The following ADAM33 variants were observed in gnomAD, a reference collection of about 807,000 sequenced individuals.
The protein encoded by ADAM33 is ADAM metallopeptidase domain 33, also known as disintegrin and metalloproteinase domain-containing protein 33.
A neutral mutation model predicts 106.2 loss-of-function variants in ADAM33; 103 were observed. That is an observed-to-expected ratio of 0.97 (90% CI 0.83 to 1.14). The LOEUF (loss-of-function observed/expected upper bound fraction) is 1.14. ADAM33 is among the 50% of genes most tolerant of loss of function. The pLI is 0.00. For synonymous variants in ADAM33, 483 were observed against 453.0 expected (o/e 1.07, Z -0.84); for missense variants, 1,120 against 1,096.6 (o/e 1.02, Z -0.30).
chr20:3,674,675 G>A lies in ADAM33; in HGVS notation c.429C>T (p.Ser143=). ...GACGCAGATAATAGCTGGCATTCCT[G>A]CTGAGGGTGATCAGGCCACTAGGGT... ...CSGMSGLITL[S]RNASYYLRPW... is the part of the protein sequence containing the mutation. Residue 143 remains serine, a synonymous_variant, in exon 6 of 22, where the codon AGC becomes AGT. Transcript: ENST00000356518. 1.9e-6 allele frequency: 3 copies of A among 1,610,210 alleles called. No homozygotes were observed. Among genetic ancestry groups the A allele is most frequent in the East Asian group, 2.2e-5 (1 of 44,852 alleles).
At position 3,670,248 on chromosome 20, in the gene ADAM33, G is replaced by A. The variant is rs553707756; in HGVS notation, c.2241-611C>T. 243 of 165,898 alleles carry A rather than the reference G, an allele frequency of 1.5e-3. 1 individual carries two copies. Among genetic ancestry groups the A allele is most frequent in the Non-Finnish European group, 2.2e-3 (168 of 76,584 alleles). The allele number at this position is 165,898 out of a possible 1,614,324, so 10.3% of individuals were successfully genotyped here. ...GTCAGGGTCCTCTTAGCTGCCACCC[G>A]GGGCCCAGGTGGTGCCCTGCCCCTG... On this transcript the variant is annotated intron_variant, in intron 19 of 21. Coordinates refer to ENST00000356518, the MANE Select transcript of ADAM33 (RefSeq NM_025220.5).
At chr20:3,671,542 A>C in intron 16 of ADAM33, 39 bp downstream of exon 16, 1 of 1,610,726 alleles carries the variant, frequency 6.2e-7, no homozygotes, top group Non-Finnish European at 8.5e-7. Flanking sequence ...GGCCTGCGGG[A>C]TTCAAACGGC....
At position 3,671,788 on chromosome 20, in the gene ADAM33, G is replaced by A. The variant is rs758360371; in HGVS notation, c.1707-9C>T. 6.4e-7 allele frequency: 1 copy of A among 1,556,908 alleles called. No individual in the cohort carries two copies. Among genetic ancestry groups the A allele is most frequent in the East Asian group, 2.4e-5 (1 of 41,300 alleles). The stretch of plus-strand genomic sequence containing the variant: ...TCCCACACAGGGCATCCCTGGGGAG[G>A]AAGTAGAGGGGGGTCAACAGCTGCA... On this transcript the variant is annotated splice_polypyrimidine_tract_variant and intron_variant, in intron 15 of 21. Coordinates refer to ENST00000356518, the MANE Select transcript of ADAM33 (RefSeq NM_025220.5).
At chr20:3,674,179 C>T in intron 7 of ADAM33, 40 bp downstream of exon 7, 1 of 1,614,136 alleles carries the variant, frequency 6.2e-7, no homozygotes, top group Non-Finnish European at 8.5e-7. Context: ...CTGAGCTGGC[C>T]CCATCCCTGA....
chr20:3,679,778 G>C (rs943942589), intron 1 of ADAM33, among the ~76,000 whole-genome samples: 2 of 150,304 alleles, frequency 1.3e-5, no homozygotes, highest in African/African-American at 2.4e-5. Context: ...CAAGGAGGAG[G>C]AAAAGAGAAG....
In ADAM33 at chr20:3,672,139, C is replaced by T. The variant is rs1244820596; in HGVS notation, c.1592G>A (p.Gly531Glu). The stretch of plus-strand genomic sequence containing the variant: ...GGGTGCTCGTGTCCTCTCACCAGGC[C>T]CCCAGAGCTGCTGGCACTGCTGCTC... The part of the protein sequence containing the change: ...TLEQQCQQLW[G>E]PGSHPAPEAC... The change falls in exon 14 of 22, where the codon GGG becomes GAG. Residue 531 changes from glycine to glutamate, a missense_variant. By Grantham distance (98) the Gly-to-Glu change is moderately conservative. Coordinates refer to ENST00000356518, the MANE Select transcript of ADAM33 (RefSeq NM_025220.5). 1.4e-5 allele frequency: 23 copies of T among 1,610,532 alleles called. No individual in the cohort carries two copies. Among genetic ancestry groups the T allele is most frequent in the Non-Finnish European group, 2.0e-5 (23 of 1,178,414 alleles).
In ADAM33 at chr20:3,681,955, A is replaced by C; in HGVS notation, c.50T>G (p.Leu17Arg). 1.3e-6 allele frequency: 2 copies of C among 1,560,126 alleles called. No homozygotes were observed. Among genetic ancestry groups the C allele is most frequent in the Non-Finnish European group, 1.7e-6 (2 of 1,154,014 alleles). Reference sequence around the variant, plus strand: ...CACTGGCCAGAGCAGCAGCAGTAGTAGCAGCAGCAGCAACGGGGTCCCCCG... The same window carrying C: ...CACTGGCCAGAGCAGCAGCAGTAGTCGCAGCAGCAGCAACGGGGTCCCCCG... ...RARGTPLLLL[L>R]LLLLLWPVPG... The change falls in exon 1 of 22, where the codon CTA becomes CGA. Residue 17 changes from leucine to arginine, a missense_variant. Leu to Arg is a moderately radical substitution (Grantham distance 102). Coordinates refer to ENST00000356518, the MANE Select transcript of ADAM33 (RefSeq NM_025220.5).
In ADAM33 at chr20:3,673,355, C is replaced by G; in HGVS notation, c.1132G>C (p.Gly378Arg). ...SGGCVMAAATGHPFPRVFSAC... is the reference protein window; with the variant it reads ...SGGCVMAAATRHPFPRVFSAC... Reference sequence around the variant, plus strand: ...AGCCCCGACCCCCCACCCGCGTACCCGGTGGCCGCAGCCATGACGCAGCCT... The same window carrying G: ...AGCCCCGACCCCCCACCCGCGTACCGGGTGGCCGCAGCCATGACGCAGCCT... The change falls in exon 11 of 22, where the codon GGG (glycine) becomes CGG (arginine). Residue 378 changes from glycine (G) to arginine (R), a missense_variant and splice_region_variant. Coordinates refer to ENST00000356518, the MANE Select transcript of ADAM33 (RefSeq NM_025220.5). The G allele has an allele frequency of 6.5e-7, 1 of 1,538,778 alleles. No homozygotes were observed. Among genetic ancestry groups the G allele is most frequent in the South Asian group, 1.2e-5 (1 of 84,206 alleles).
Position 3,668,883 on chromosome 20 carries a change from T to C in ADAM33, c.*80A>G, listed in dbSNP as rs549135797. 2.3e-4 allele frequency: 347 copies of C among 1,522,968 alleles called. 1 individual carries two copies. The East Asian group carries it at 7.5e-3, about 33-fold the overall frequency. 94.3% of individuals were successfully genotyped at this position (1,522,968 alleles called of 1,614,324 possible). A position where few individuals can be genotyped will look rare whatever the true frequency, so the allele number is the denominator to read the frequency against. On this transcript the variant is annotated 3_prime_UTR_variant, in exon 22 of 22. Transcript: ENST00000356518. ...GCTGGAGGTCCGGTGATTCACTGGCTCTGCCCCTGCAGTTCAAGTTCCTGG... is the reference window on the plus strand; with the variant it reads ...GCTGGAGGTCCGGTGATTCACTGGCCCTGCCCCTGCAGTTCAAGTTCCTGG...
At chr20:3,671,383 G>T (rs771808301) in intron 17 of ADAM33, 36 bp downstream of exon 17, 1 of 1,611,428 alleles carries the variant, frequency 6.2e-7, no homozygotes, top group Non-Finnish European at 8.5e-7. Context: ...GTAGGATTAG[G>T]AACCCCAAGG....
chr20:3,672,037 G>A (rs182589256), intron 14 of ADAM33, 52 bp from the exon 15 acceptor site: 295 of 1,554,698 alleles, frequency 1.9e-4, no homozygotes, highest in Admixed American at 3.7e-4. Flanking sequence ...GCTGCGCTCA[G>A]CGGGCCTCAG....
At position 3,673,890 on chromosome 20, in the gene ADAM33, G is replaced by A. The variant is rs758063189; in HGVS notation, c.760C>T (p.Gln254Ter). The A allele has an allele frequency of 2.6e-6, 4 of 1,563,622 alleles. No homozygotes were observed. In the South Asian group the frequency reaches 4.7e-5, roughly 18 times the overall value. Reference sequence around the variant, plus strand: ...ACCTCCAGGCCGGTCAGCGCCACCTGAATGTCCAGAGTCCTGAGAAGCTGA... The same window carrying A: ...ACCTCCAGGCCGGTCAGCGCCACCTAAATGTCCAGAGTCCTGAGAAGCTGA... ...VDQLLRTLDI[Q>*]VALTGLEVWT... The change falls in exon 9 of 22, where the codon CAG (glutamine) becomes TAG (stop). Residue 254 changes from glutamine to a stop codon, truncating the protein, a stop_gained. Transcript: ENST00000356518. LOFTEE classifies it high-confidence loss of function.
In ADAM33 at chr20:3,667,983, T is replaced by C. The variant is rs2146346273; in HGVS notation, c.*980A>G. 1 of 151,746 alleles carries C rather than the reference T, an allele frequency of 6.6e-6. No individual in the cohort carries two copies. Among genetic ancestry groups the C allele is most frequent in the South Asian group, 2.1e-4 (1 of 4,832 alleles). The allele number at this position is 151,746 out of a possible 1,614,324, so 9.4% of individuals were successfully genotyped here. ...AAGGTCCAAGTGTAATATGTCTTTT[T>C]AAAATTTATTTTAGAGACAGGGTCT... On this transcript the variant is annotated 3_prime_UTR_variant, in exon 22 of 22. Coordinates refer to ENST00000356518, the MANE Select transcript of ADAM33 (RefSeq NM_025220.5).
chr20:3,679,552 T>G lies in ADAM33; in HGVS notation c.117A>C (p.Pro39=). Residue 39 remains proline, a synonymous_variant, in exon 2 of 22, where the codon CCA becomes CCC. Transcript: ENST00000356518. ...CATCCAGGACCCAGTGCGGGGTGACTGGCTGCCCAGGGATATGTCCTGGAG... is the reference window on the plus strand; with the variant it reads ...CATCCAGGACCCAGTGCGGGGTGACGGGCTGCCCAGGGATATGTCCTGGAG... ...GVLQGHIPGQ[P]VTPHWVLDGQ... is the part of the protein sequence containing the mutation. 1 of 1,609,826 alleles carries G rather than the reference T, an allele frequency of 6.2e-7. No individual in the cohort carries two copies. The highest frequency in any genetic ancestry group is 8.5e-7 in the Non-Finnish European group (1 of 1,178,266).
intron 2 of ADAM33, among the ~76,000 whole-genome samples, 171 bp downstream of exon 2, chr20:3,679,321 C>T (rs940350141): frequency 2.0e-5 from 3 of 151,762 alleles, no homozygotes; most frequent in South Asian, 2.1e-4. Context: ...GATGTCCAAA[C>T]CCCAGTGCCT....
chr20:3,669,877 T>G, intron 19 of ADAM33: 1 of 565,696 alleles, frequency 1.8e-6, no homozygotes, highest in Non-Finnish European at 3.1e-6. Flanking sequence ...AGTCCTAACA[T>G]TTCCTCCAGG....
At chr20:3,670,062 A>C in intron 19 of ADAM33, 1 of 292,474 alleles carries the variant, frequency 3.4e-6, no homozygotes, top group Non-Finnish European at 6.5e-6. Context: ...AGGCCTTGTC[A>C]TTTCCTGTGA....
chr20:3,674,194 G>A (rs781720027), intron 7 of ADAM33, 25 bp downstream of exon 7: 14 of 1,613,958 alleles, frequency 8.7e-6, no homozygotes, highest in African/African-American at 6.7e-5. Context: ...CCCTGACCCC[G>A]CCAACCCCTG....
chr20:3,674,277 C>T lies in ADAM33; in HGVS notation c.608G>A (p.Arg203Gln), dbSNP rs756430869. 1.7e-5 allele frequency: 28 copies of T among 1,613,810 alleles called. No individual in the cohort carries two copies. The highest frequency in any genetic ancestry group is 2.3e-5 in the Non-Finnish European group (27 of 1,180,028). Residue 203 changes from arginine (R) to glutamine (Q), a missense_variant, in exon 7 of 22, where the codon CGA becomes CAA. Coordinates refer to ENST00000356518, the MANE Select transcript of ADAM33 (RefSeq NM_025220.5). The part of the protein sequence containing the change: ...LPGGPQSRGR[R>Q]EARRTRKYLE... ...GTACTTCCGGGTCCTGCGCGCTTCT[C>T]GCCTGCCCTGCGGAGGTGCAAATGG... is the stretch of plus-strand genomic sequence containing the variant.
Sources: allele counts gnomAD v4.1 joint callset (sites outside exome capture counted in the v4.1 genomes callset), GRCh38; gene constraint gnomAD v4.1.1; transcripts MANE v1.5; gene names NCBI Gene and HGNC (gene_info 2026-07-23, HGNC 2026-07-21).